The following PRKDC variants were observed in gnomAD, a reference collection of about 807,000 sequenced individuals.
PRKDC encodes DNA-dependent protein kinase catalytic subunit.
In PRKDC, 82 loss-of-function variants were observed where a neutral mutation model predicts 486.9. The ratio of observed to expected loss-of-function variants is 0.17; its 90% CI spans 0.14 to 0.20. PRKDC has a LOEUF of 0.20. PRKDC is among the 10% of genes least tolerant of loss of function. The pLI is 1.00. For synonymous variants in PRKDC, 1,895 were observed against 1,837.0 expected, an observed-to-expected ratio of 1.03 and a Z score of -0.81; for missense variants, 4,504 against 5,038.2, an observed-to-expected ratio of 0.89 and a Z score of 3.21.
chr8:47,801,482 GTTCT>G (rs1232400008), intron 70 of PRKDC, among the ~76,000 whole-genome samples: 3 of 152,178 alleles, frequency 2.0e-5, no homozygotes, highest in African/African-American at 7.2e-5. Context: ...AATGAAAAAT[GTTCT>G]TTGTTAGAAG....
chr8:47,791,563 G>C (rs1326997152), intron 74 of PRKDC, among the ~76,000 whole-genome samples: 1 of 151,988 alleles, frequency 6.6e-6, no homozygotes, highest in Non-Finnish European at 1.5e-5. Flanking sequence ...TTTAAAATGG[G>C]GCAAAGGATC....
At chr8:47,890,743 C>A (rs2089439927) in intron 31 of PRKDC, among the ~76,000 whole-genome samples, 1 of 152,042 alleles carries the variant, frequency 6.6e-6, no homozygotes, top group Non-Finnish European at 1.5e-5. Flanking sequence ...TTTTAAAGGG[C>A]AATTTGGCAA....
intron 54 of PRKDC, among the ~76,000 whole-genome samples, chr8:47,841,832 A>C (rs1351812613): frequency 6.6e-6 from 1 of 152,198 alleles, no homozygotes; most frequent in Non-Finnish European, 1.5e-5. Context: ...AGCATGGCAT[A>C]AAACTGGCTG....
rs776835933 is a variant in PRKDC at position 47,837,304 on chromosome 8, A to C, written c.7669T>G (p.Leu2557Val). ...SPKIEVHFLS[L>V]ATNFLLEMTS... ...ATTTCGAGCAGAAAATTTGTTGCTAAACTTAAAAAGTGCACTTCTATCTTA... is the reference window on the plus strand; with the variant it reads ...ATTTCGAGCAGAAAATTTGTTGCTACACTTAAAAAGTGCACTTCTATCTTA... The change falls in exon 57 of 86, where the codon TTA becomes GTA. Residue 2557 changes from leucine (L) to valine (V), a missense_variant. Leu to Val is a conservative substitution (Grantham distance 32, BLOSUM62 1). Coordinates refer to ENST00000314191, the MANE Select transcript of PRKDC (RefSeq NM_006904.7). The C allele has an allele frequency of 6.2e-7, 1 of 1,613,870 alleles. No individual in the cohort carries two copies.
intron 50 of PRKDC, among the ~76,000 whole-genome samples, chr8:47,854,896 T>G (rs904290184): frequency 2.6e-5 from 4 of 152,166 alleles, no homozygotes; most frequent in Non-Finnish European, 5.9e-5. Flanking sequence ...TTGGAAGTTT[T>G]AGCTTGCCTC....
At position 47,955,506 on chromosome 8, in the gene PRKDC, TC is replaced by T. The variant is rs576824952; in HGVS notation, c.399+367del. 2.5e-4 allele frequency among the ~76,000 whole-genome samples: 38 copies of T among 151,582 alleles called. No individual in the cohort carries two copies. The East Asian group carries it at 6.6e-3, about 26-fold the overall frequency. On this transcript the variant is annotated intron_variant, in intron 4 of 85. Transcript: ENST00000314191. ...AAAAAAAGAAAACATATGAACTCTT[TC>T]CCATTGCTAAGGTTTTAGGAAAAAC...
intron 40 of PRKDC, among the ~76,000 whole-genome samples, chr8:47,867,203 C>T (rs987328211): frequency 3.3e-5 from 5 of 152,004 alleles, no homozygotes; most frequent in Non-Finnish European, 7.4e-5. Context: ...GAGATCTGTA[C>T]AAGACACAAG....
At chr8:47,880,231 T>G (rs2089183949) in intron 38 of PRKDC, among the ~76,000 whole-genome samples, 1 of 152,204 alleles carries the variant, frequency 6.6e-6, no homozygotes, top group Admixed American at 6.5e-5. Context: ...TGGTGCTGAT[T>G]CGGTATGTGC....
At chr8:47,830,095 C>T (rs1189746140) in intron 61 of PRKDC, among the ~76,000 whole-genome samples, 1 of 152,134 alleles carries the variant, frequency 6.6e-6, no homozygotes, top group Non-Finnish European at 1.5e-5. Flanking sequence ...ACCAATGGAA[C>T]AGAATAGAGC....
At chr8:47,856,249 C>A (rs891004135) in intron 49 of PRKDC, among the ~76,000 whole-genome samples, 2 of 151,898 alleles carry the variant, frequency 1.3e-5, no homozygotes, top group African/African-American at 4.8e-5. Flanking sequence ...GCTGGGGGAA[C>A]GTAGTCTCAC....
chr8:47,883,021 G>A (rs1022969937), intron 36 of PRKDC, among the ~76,000 whole-genome samples: 2 of 152,186 alleles, frequency 1.3e-5, no homozygotes, highest in Non-Finnish European at 2.9e-5. Flanking sequence ...CCACGCCTCT[G>A]TGCGGGGCCG....
rs149518975 is a variant in PRKDC at position 47,780,901 on chromosome 8, G to A, written c.11489+1261C>T. 3.9e-3 allele frequency among the ~76,000 whole-genome samples: 587 copies of A among 151,624 alleles called. 4 individuals are homozygous for A. Among genetic ancestry groups the A allele is most frequent in the South Asian group, 0.025 (120 of 4,822 alleles). On this transcript the variant is annotated intron_variant, in intron 80 of 85. Coordinates refer to ENST00000314191, the MANE Select transcript of PRKDC (RefSeq NM_006904.7). Reference sequence around the variant, plus strand: ...CACAGTGAGCCGAGATCACGCCACTGCACTCCAGCCTGGTGATAGAGAGAG... The same window carrying A: ...CACAGTGAGCCGAGATCACGCCACTACACTCCAGCCTGGTGATAGAGAGAG...
At chr8:47,836,986 G>A (rs576951090) in intron 57 of PRKDC, among the ~76,000 whole-genome samples, 1 of 152,234 alleles carries the variant, frequency 6.6e-6, no homozygotes, top group Non-Finnish European at 1.5e-5. Flanking sequence ...GAGGAATGAG[G>A]GGAGGGAAAG....
intron 21 of PRKDC, among the ~76,000 whole-genome samples, chr8:47,922,887 T>C (rs2090094912): frequency 6.6e-6 from 1 of 152,174 alleles, no homozygotes; most frequent in African/African-American, 2.4e-5. Flanking sequence ...GAAAGTTGTG[T>C]CAATTGGTTT....
At chr8:47,836,604 T>A in intron 57 of PRKDC, 77 bp from the exon 58 acceptor site, 6 of 1,284,040 alleles carry the variant, frequency 4.7e-6, no homozygotes, top group Non-Finnish European at 6.5e-6. Flanking sequence ...CTGATATATT[T>A]CTATTTAAAA....
At chr8:47,781,916 A>T (rs1350985221) in intron 80 of PRKDC, among the ~76,000 whole-genome samples, 2 of 152,236 alleles carry the variant, frequency 1.3e-5, no homozygotes, top group Admixed American at 1.3e-4. Context: ...TGATAATTTT[A>T]TTATTATTTA....
Position 47,887,584 on chromosome 8 carries a change from C to T in PRKDC, c.4535G>A (p.Ser1512Asn), listed in dbSNP as rs1452465193. 6 of 1,595,160 alleles carry T rather than the reference C, an allele frequency of 3.8e-6. No homozygotes were observed. The highest frequency in any genetic ancestry group is 5.1e-6 in the Non-Finnish European group (6 of 1,170,640). Reference protein sequence around the residue: ...SLDLSCKQLASGLLELAFAFG... With the variant: ...SLDLSCKQLANGLLELAFAFG... Reference sequence around the variant, plus strand: ...AGCAAAGGCTAACTCCAGAAGTCCGCTGGCCAGCTGCTTACAACTGAGGTC... The same window carrying T: ...AGCAAAGGCTAACTCCAGAAGTCCGTTGGCCAGCTGCTTACAACTGAGGTC... The change falls in exon 35 of 86, where the codon AGC becomes AAC. Residue 1512 changes from serine (S) to asparagine (N), a missense_variant. Coordinates refer to ENST00000314191, the MANE Select transcript of PRKDC (RefSeq NM_006904.7).
In PRKDC at chr8:47,774,390, C is replaced by A. The variant is rs1314712410; in HGVS notation, c.12183-13G>T. ...GAGTAGCTCATCACTGGAAAAAAAA[C>A]AAACACAGAAAACACAAAGCATGTG... On this transcript the variant is annotated splice_polypyrimidine_tract_variant and intron_variant, in intron 85 of 85. Coordinates refer to ENST00000314191, the MANE Select transcript of PRKDC (RefSeq NM_006904.7). 2.5e-6 allele frequency: 4 copies of A among 1,608,660 alleles called. No individual in the cohort carries two copies. Among genetic ancestry groups the A allele is most frequent in the Non-Finnish European group, 3.4e-6 (4 of 1,177,976 alleles).
At chr8:47,888,300 CATTTT>C (rs1359333583) in intron 34 of PRKDC, among the ~76,000 whole-genome samples, 1 of 152,068 alleles carries the variant, frequency 6.6e-6, no homozygotes, top group Non-Finnish European at 1.5e-5. Context: ...ATTTTACTTT[CATTTT>C]ATATTTATAA....
Sources: gnomAD v4.1 joint callset for allele counts (sites outside exome capture counted in the v4.1 genomes callset) on GRCh38, gnomAD v4.1.1 for gene constraint, MANE v1.5 for transcripts, NCBI Gene and HGNC (gene_info 2026-07-23, HGNC 2026-07-21) for gene names.